Variants in TPRG1 observed in about 807,000 individuals in gnomAD.
TPRG1 encodes the protein tumor protein p63-regulated gene 1 protein.
Under a neutral mutation model 29.3 loss-of-function variants are expected in TPRG1, and 29 were observed. That is an observed-to-expected ratio of 0.99 (90% CI 0.74 to 1.35). TPRG1 has a LOEUF of 1.35. TPRG1 is among the 40% of genes most tolerant of loss of function. The pLI, the probability that TPRG1 is intolerant of heterozygous loss-of-function variation, is 0.00. For missense variants in TPRG1, 327 were observed against 335.0 expected (o/e 0.98, Z 0.19); for synonymous variants, 130 against 116.8 (o/e 1.11, Z -0.73).
At chr3:188,999,114 T>C (rs1487997101) in intron 1 of TPRG1, among the ~76,000 whole-genome samples, 2 of 152,030 alleles carry the variant, frequency 1.3e-5, no homozygotes, top group African/African-American at 4.8e-5. Flanking sequence ...GAGGTAAGGG[T>C]AAGGGTAGTG....
chr3:189,287,006 T>A (rs559402989), intron 4 of TPRG1, among the ~76,000 whole-genome samples: 1 of 152,206 alleles, frequency 6.6e-6, no homozygotes, highest in South Asian at 2.1e-4. Flanking sequence ...TTGTTGATGA[T>A]GAATTTCAGG....
chr3:189,106,739 T>C (rs1352172473), intron 1 of TPRG1, among the ~76,000 whole-genome samples: 1 of 152,182 alleles, frequency 6.6e-6, no homozygotes. Flanking sequence ...CATTTGTATA[T>C]GACCTTGTGT....
chr3:189,188,509 G>T (rs1431523461), intron 1 of TPRG1, among the ~76,000 whole-genome samples: 4 of 152,104 alleles, frequency 2.6e-5, no homozygotes, highest in Non-Finnish European at 5.9e-5. Context: ...GTTTAAAACA[G>T]TCACTGCCAT....
At chr3:189,007,340 CAGTG>C (rs1454691510) in intron 3 of TPRG1, among the ~76,000 whole-genome samples, 2 of 152,072 alleles carry the variant, frequency 1.3e-5, no homozygotes, top group Admixed American at 6.5e-5. Context: ...ATCAAAACCA[CAGTG>C]AGATACCATC....
At chr3:189,152,856 G>A (rs1017405065) in intron 5 of TPRG1, among the ~76,000 whole-genome samples, 2 of 150,998 alleles carry the variant, frequency 1.3e-5, no homozygotes, top group African/African-American at 4.9e-5. Context: ...TTAAAAAGTA[G>A]GATTGCTACC....
chr3:189,292,071 C>T (rs749305322), intron 4 of TPRG1, among the ~76,000 whole-genome samples: 4 of 152,194 alleles, frequency 2.6e-5, no homozygotes, highest in Admixed American at 6.5e-5. Flanking sequence ...AACTACTTTT[C>T]GAATTCCCTT....
At chr3:189,213,361 A>G (rs573559515) in intron 2 of TPRG1, among the ~76,000 whole-genome samples, 1 of 152,298 alleles carries the variant, frequency 6.6e-6, no homozygotes, top group Non-Finnish European at 1.5e-5. Context: ...ATGTATTTAT[A>G]CTTTCATATT....
Position 189,275,345 on chromosome 3 carries a change from C to G in TPRG1, c.480-35041C>G, listed in dbSNP as rs1355083566. Reference sequence around the variant, plus strand: ...CTATAACTACTACATGCTCTAGTAGCAAGGATAAGTCAAGTATATATACAG... The same window carrying G: ...CTATAACTACTACATGCTCTAGTAGGAAGGATAAGTCAAGTATATATACAG... On this transcript the variant is annotated intron_variant, in intron 4 of 5. Coordinates refer to ENST00000345063, the MANE Select transcript of TPRG1 (RefSeq NM_198485.4). Among the ~76,000 whole-genome samples, 4 of 152,142 alleles carry G rather than the reference C, an allele frequency of 2.6e-5. No homozygotes were observed. The East Asian group carries it at 7.7e-4, about 29-fold the overall frequency.
rs78278916 is a variant in TPRG1 at position 189,142,146 on chromosome 3, C to T, written c.-290-5438C>T. On this transcript the variant is annotated intron_variant, in intron 3 of 6. Coordinates refer to the TPRG1 transcript ENST00000412373. ...CAGAGGAAAGACAGGTCATTTCGGG[C>T]AGGACGGGCAGCACGTACAGAGGAC... Among the ~76,000 whole-genome samples, 876 of 152,250 alleles carry T rather than the reference C, an allele frequency of 5.8e-3. 5 individuals carry two copies. The highest frequency in any genetic ancestry group is 8.8e-3 in the Non-Finnish European group (599 of 68,016).
chr3:189,320,585 C>A, intron 5 of TPRG1, 41 bp from the exon 6 acceptor site: 1 of 1,538,230 alleles, frequency 6.5e-7, no homozygotes, highest in Non-Finnish European at 8.7e-7. Context: ...TCAACTTAAT[C>A]TACAGTAACT....
chr3:189,054,019 T>C (rs1029543564), intron 4 of TPRG1, among the ~76,000 whole-genome samples: 5 of 152,216 alleles, frequency 3.3e-5, no homozygotes, highest in Admixed American at 6.5e-5. Context: ...AGTTTGGCTG[T>C]TTGGGGTAAG....
chr3:189,263,133 A>G (rs947339488), intron 4 of TPRG1, among the ~76,000 whole-genome samples: 5 of 152,258 alleles, frequency 3.3e-5, no homozygotes, highest in Non-Finnish European at 7.3e-5. Context: ...CCAGAAGGGC[A>G]GGAAGACTGG....
intron 1 of TPRG1, among the ~76,000 whole-genome samples, chr3:189,112,897 T>A (rs1219466708): frequency 6.6e-6 from 1 of 152,220 alleles, no homozygotes; most frequent in South Asian, 2.1e-4. Context: ...AAGTAGTTTT[T>A]TCCAAATCTA....
intron 4 of TPRG1, among the ~76,000 whole-genome samples, chr3:189,291,004 C>G (rs941608740): frequency 6.6e-6 from 1 of 152,112 alleles, no homozygotes; most frequent in Non-Finnish European, 1.5e-5. Flanking sequence ...CGGGTTCACG[C>G]CATTCTCCTG....
chr3:189,200,098 C>T (rs753245586), intron 1 of TPRG1, among the ~76,000 whole-genome samples: 13 of 152,152 alleles, frequency 8.5e-5, no homozygotes, highest in African/African-American at 2.4e-4. Context: ...TTCCCCACGG[C>T]CCTCTTTCCA....
At chr3:189,266,488 CA>C (rs1560624997) in intron 4 of TPRG1, among the ~76,000 whole-genome samples, 1 of 152,046 alleles carries the variant, frequency 6.6e-6, no homozygotes, top group Non-Finnish European at 1.5e-5. Flanking sequence ...GAGCTGGAGC[CA>C]GTTTTCTGGT....
chr3:189,312,920 G>A (rs532042922), intron 5 of TPRG1, among the ~76,000 whole-genome samples: 48 of 152,302 alleles, frequency 3.2e-4, no homozygotes, highest in Middle Eastern at 3.4e-3. Flanking sequence ...GGAGGCACAT[G>A]CACACACACG....
chr3:189,102,537 G>C (rs1441398151), intron 1 of TPRG1, among the ~76,000 whole-genome samples: 1 of 152,118 alleles, frequency 6.6e-6, no homozygotes, highest in Non-Finnish European at 1.5e-5. Context: ...GTTCTAGTAT[G>C]TAAATTGACT....
intron 4 of TPRG1, among the ~76,000 whole-genome samples, chr3:189,250,594 C>T (rs549955181): frequency 1.5e-5 from 2 of 133,204 alleles, no homozygotes; most frequent in African/African-American, 5.7e-5. Flanking sequence ...ACTTATTTGG[C>T]CCTTCTCAGG....
Sources: allele counts gnomAD v4.1 joint callset (sites outside exome capture counted in the v4.1 genomes callset), GRCh38; gene constraint gnomAD v4.1.1; transcripts MANE v1.5; gene names NCBI Gene and HGNC (gene_info 2026-07-23, HGNC 2026-07-21).